Variants in SPICE1 observed in about 807,000 individuals in gnomAD.
The protein encoded by SPICE1 is spindle and centriole-associated protein 1.
Under a neutral mutation model 102.7 loss-of-function variants are expected in SPICE1, and 75 were observed. The observed-to-expected ratio is 0.73, with a 90% CI of 0.61 to 0.88. The LOEUF (loss-of-function observed/expected upper bound fraction) is 0.88. SPICE1 is among the 40% of genes least tolerant of loss of function. SPICE1 has a pLI of 0.00. For synonymous variants in SPICE1, 308 were observed against 350.3 expected, an observed-to-expected ratio of 0.88 and a Z score of 1.35; for missense variants, 979 against 1,020.1, an observed-to-expected ratio of 0.96 and a Z score of 0.55.
intron 1 of SPICE1, among the ~76,000 whole-genome samples, chr3:113,508,314 G>A (rs1031314772): frequency 6.6e-6 from 1 of 152,028 alleles, no homozygotes; most frequent in Non-Finnish European, 1.5e-5. Flanking sequence ...TGCTTCGAAG[G>A]CACAATCAAG....
intron 7 of SPICE1, among the ~76,000 whole-genome samples, chr3:113,477,111 A>G (rs1351884023): frequency 6.6e-6 from 1 of 152,176 alleles, no homozygotes; most frequent in East Asian, 1.9e-4. Context: ...AACCCCATCA[A>G]AAAGTGGGCA....
At chr3:113,474,477 G>A (rs1485009882) in intron 7 of SPICE1, among the ~76,000 whole-genome samples, 1 of 152,128 alleles carries the variant, frequency 6.6e-6, no homozygotes, top group Admixed American at 6.6e-5. Context: ...CAAATCAACA[G>A]AATATACATT....
intron 7 of SPICE1, among the ~76,000 whole-genome samples, chr3:113,472,749 C>A (rs1271029801): frequency 1.3e-5 from 2 of 152,152 alleles, no homozygotes; most frequent in Non-Finnish European, 2.9e-5. Flanking sequence ...GGAAAACTAG[C>A]AAACAGAAAG....
intron 1 of SPICE1, 73 bp from the exon 2 acceptor site, chr3:113,506,678 C>A: frequency 1.8e-5 from 20 of 1,116,136 alleles, no homozygotes; most frequent in South Asian, 6.2e-5. Flanking sequence ...TGGGGGAAGA[C>A]ACCTGAAAAA....
At position 113,511,941 on chromosome 3, in the gene SPICE1, T is replaced by C. The variant is rs781744412; in HGVS notation, c.-1+2956A>G. The stretch of plus-strand genomic sequence containing the variant: ...CACATGCTGGAAAACTTTGCCAGAA[T>C]TGGGTTACCTCTGTTTGCTTTTATA... On this transcript the variant is annotated intron_variant, in intron 1 of 17. Coordinates refer to ENST00000295872, the MANE Select transcript of SPICE1 (RefSeq NM_144718.4). Among the ~76,000 whole-genome samples, 5 of 152,296 alleles carry C rather than the reference T, an allele frequency of 3.3e-5. No individual in the cohort carries two copies. The South Asian group carries it at 1.0e-3, about 32-fold the overall frequency.
At position 113,468,373 on chromosome 3, in the gene SPICE1, G is replaced by C. The variant is rs1298012765; in HGVS notation, c.921C>G (p.Ser307=). 1.2e-6 allele frequency: 2 copies of C among 1,613,798 alleles called. No individual in the cohort carries two copies. Among genetic ancestry groups the C allele is most frequent in the East Asian group, 4.5e-5 (2 of 44,890 alleles). Residue 307 remains serine (S), a synonymous_variant, in exon 10 of 18, where the codon TCC becomes TCG. Coordinates refer to ENST00000295872, the MANE Select transcript of SPICE1 (RefSeq NM_144718.4). ...VKRKPNLHAL[S]KPKKNISSGS... ...CTGATGATATGTTTTTCTTCGGCTT[G>C]GAAAGAGCATGCAAATTCGGTTTCC...
intron 15 of SPICE1, 188 bp downstream of exon 15, chr3:113,450,148 A>T: frequency 4.9e-6 from 3 of 610,968 alleles, no homozygotes; most frequent in Middle Eastern, 4.4e-4. Flanking sequence ...AGAAATAATC[A>T]GGAGATCTGC....
intron 7 of SPICE1, among the ~76,000 whole-genome samples, chr3:113,479,322 T>C (rs1171744351): frequency 6.6e-6 from 1 of 151,538 alleles, no homozygotes; most frequent in East Asian, 1.9e-4. Context: ...TTTTTATGGC[T>C]GCATAGTATT....
intron 6 of SPICE1, 140 bp downstream of exon 6, chr3:113,493,066 G>T: frequency 1.7e-6 from 1 of 593,260 alleles, no homozygotes; most frequent in Non-Finnish European, 2.9e-6. Context: ...CACAGAAAGT[G>T]CAATACACTT....
intron 4 of SPICE1, among the ~76,000 whole-genome samples, chr3:113,494,503 C>T (rs1373612790): frequency 1.3e-5 from 2 of 151,698 alleles, no homozygotes; most frequent in Non-Finnish European, 2.9e-5. Flanking sequence ...AAAAATTAGC[C>T]GGGCGTGGTA....
chr3:113,471,881 C>T (rs555655725), intron 7 of SPICE1, among the ~76,000 whole-genome samples: 1 of 152,202 alleles, frequency 6.6e-6, no homozygotes, highest in Non-Finnish European at 1.5e-5. Context: ...TGGGTGATTT[C>T]TGCATTTCCA....
At chr3:113,488,038 GAA>G (rs1362082778) in intron 7 of SPICE1, among the ~76,000 whole-genome samples, 2 of 152,074 alleles carry the variant, frequency 1.3e-5, no homozygotes, top group African/African-American at 4.8e-5. Flanking sequence ...TTTTAAAAAT[GAA>G]AAGACATGAA....
At chr3:113,479,814 A>G (rs1936448925) in intron 7 of SPICE1, among the ~76,000 whole-genome samples, 1 of 152,226 alleles carries the variant, frequency 6.6e-6, no homozygotes, top group South Asian at 2.1e-4. Context: ...AAAAGAATGA[A>G]AATGAATGTA....
intron 6 of SPICE1, among the ~76,000 whole-genome samples, chr3:113,489,783 G>A (rs961350828): frequency 2.0e-5 from 3 of 150,484 alleles, no homozygotes; most frequent in Non-Finnish European, 4.4e-5. Context: ...GGAAGGTCGA[G>A]GCTGCAGTGA....
chr3:113,466,039 A>T (rs1936048210), intron 10 of SPICE1, among the ~76,000 whole-genome samples: 1 of 152,192 alleles, frequency 6.6e-6, no homozygotes, highest in South Asian at 2.1e-4. Context: ...TTGTAAAAAG[A>T]AAGTAGAGGG....
intron 4 of SPICE1, among the ~76,000 whole-genome samples, chr3:113,497,678 T>TAC (rs1936921147): frequency 8.1e-6 from 1 of 123,122 alleles, no homozygotes; most frequent in Admixed American, 7.7e-5. Context: ...TATGCATACA[T>TAC]ACATAGAGAG....
At chr3:113,510,888 C>T (rs969082018) in intron 1 of SPICE1, among the ~76,000 whole-genome samples, 9 of 152,074 alleles carry the variant, frequency 5.9e-5, no homozygotes, top group African/African-American at 1.7e-4. Flanking sequence ...GGCTAATATC[C>T]AGAGTCTACA....
chr3:113,514,427 A>G, intron 1 of SPICE1: 1 of 352,140 alleles, frequency 2.8e-6, no homozygotes, highest in East Asian at 7.6e-5. Flanking sequence ...CTAGATTCGG[A>G]TGGCTCCCCA....
At chr3:113,474,429 C>G (rs1243366652) in intron 7 of SPICE1, among the ~76,000 whole-genome samples, 1 of 152,094 alleles carries the variant, frequency 6.6e-6, no homozygotes, top group African/African-American at 2.4e-5. Context: ...AGCTCTGCAC[C>G]AAGCAGACTT....
Sources: allele counts gnomAD v4.1 joint callset (sites outside exome capture counted in the v4.1 genomes callset), GRCh38; gene constraint gnomAD v4.1.1; transcripts MANE v1.5; gene names NCBI Gene and HGNC (gene_info 2026-07-23, HGNC 2026-07-21).